FOXP1: variants seen among roughly 807,000 people sequenced by gnomAD.
The protein encoded by FOXP1 is forkhead box P1, also known as forkhead box protein P1.
In FOXP1, 15 loss-of-function variants were observed where a neutral mutation model predicts 98.2. The ratio of observed to expected loss-of-function variants is 0.15; its 90% CI spans 0.10 to 0.24. The LOEUF (loss-of-function observed/expected upper bound fraction) is 0.24, where lower values mean the gene tolerates loss of function less well. FOXP1 is among the 10% of genes least tolerant of loss of function. FOXP1 has a pLI of 1.00. For missense variants in FOXP1, 633 were observed against 848.5 expected (o/e 0.75, Z 3.15); for synonymous variants, 371 against 314.5 (o/e 1.18, Z -1.90).
Position 71,255,003 on chromosome 3 carries a change from G to A in FOXP1, c.-12+44817C>T, listed in dbSNP as rs115653730. Among the ~76,000 whole-genome samples the A allele has an allele frequency of 3.2e-3, 482 of 152,106 alleles. 5 individuals carry two copies. The highest frequency in any genetic ancestry group is 0.011 in the African/African-American group (476 of 41,478). On this transcript the variant is annotated intron_variant, in intron 5 of 20. Coordinates refer to ENST00000649528, the MANE Select transcript of FOXP1 (RefSeq NM_001349338.3). ...AACCACCTCACAGCAATAACCAATG[G>A]GCCCACTTAACGCCAAGCAGTGAGT...
In FOXP1 at chr3:70,955,821, C is replaced by T. The variant is rs1413119128; in HGVS notation, c.*3426G>A. ...ATGTATCAAAAAACAGATTAACACA[C>T]ACGCACGCGCGCACACACACACACA... On this transcript the variant is annotated 3_prime_UTR_variant, in exon 21 of 21. Coordinates refer to ENST00000649528, the MANE Select transcript of FOXP1 (RefSeq NM_001349338.3). 4.4e-6 allele frequency: 1 copy of T among 224,784 alleles called. No individual in the cohort carries two copies. Among genetic ancestry groups the T allele is most frequent in the East Asian group, 6.2e-5 (1 of 16,202 alleles). 13.9% of individuals were successfully genotyped at this position (224,784 alleles called of 1,614,324 possible).
At chr3:71,431,983 C>T (rs1389850138) in intron 3 of FOXP1, among the ~76,000 whole-genome samples, 1 of 152,184 alleles carries the variant, frequency 6.6e-6, no homozygotes, top group East Asian at 1.9e-4. Flanking sequence ...GCATCTGAAC[C>T]ATCAGAGAAG....
At chr3:71,442,896 T>C (rs116146154) in intron 3 of FOXP1, among the ~76,000 whole-genome samples, 1 of 149,686 alleles carries the variant, frequency 6.7e-6, no homozygotes, top group Non-Finnish European at 1.5e-5. Flanking sequence ...ATTTTTTTTT[T>C]ATTTTTTTGA....
chr3:71,035,009 C>T (rs1414626773), intron 11 of FOXP1, among the ~76,000 whole-genome samples: 1 of 152,162 alleles, frequency 6.6e-6, no homozygotes, highest in Non-Finnish European at 1.5e-5. Flanking sequence ...CCTGTTCTTT[C>T]CAAGTGTCAA....
chr3:71,544,000 CATGT>C (rs1182177384), intron 2 of FOXP1, among the ~76,000 whole-genome samples: 4 of 79,714 alleles, frequency 5.0e-5, no homozygotes, highest in Admixed American at 2.5e-4. Flanking sequence ...CATATACACA[CATGT>C]ATGTGTGTAT....
chr3:71,573,981 AG>A (rs1304469764), intron 2 of FOXP1: 1 of 152,228 alleles, frequency 6.6e-6, no homozygotes, highest in Non-Finnish European at 1.5e-5. Flanking sequence ...TACCAGTGAC[AG>A]TGGTAACTAT....
chr3:71,396,931 T>TAC (rs1318932568), intron 3 of FOXP1, among the ~76,000 whole-genome samples: 1 of 93,854 alleles, frequency 1.1e-5, no homozygotes, highest in African/African-American at 4.7e-5. Flanking sequence ...TATATATATA[T>TAC]ATACACATAT....
intron 6 of FOXP1, among the ~76,000 whole-genome samples, chr3:71,197,019 C>G (rs1196471688): frequency 1.3e-5 from 2 of 152,168 alleles, no homozygotes; most frequent in Non-Finnish European, 2.9e-5. Context: ...AGCTAACAGT[C>G]TAATCATTCC....
At chr3:71,328,925 C>T (rs1053231094) in intron 4 of FOXP1, among the ~76,000 whole-genome samples, 2 of 137,970 alleles carry the variant, frequency 1.4e-5, no homozygotes, top group South Asian at 2.4e-4. Flanking sequence ...GAGCCGAGAT[C>T]GTGCCATTGC....
chr3:71,151,170 G>C (rs2060554030), intron 6 of FOXP1, among the ~76,000 whole-genome samples: 1 of 152,128 alleles, frequency 6.6e-6, no homozygotes. Context: ...TGTGAAATGG[G>C]AATACTGCTA....
chr3:71,402,970 T>A (rs1376069548), intron 3 of FOXP1, among the ~76,000 whole-genome samples: 2 of 152,184 alleles, frequency 1.3e-5, no homozygotes, highest in Non-Finnish European at 2.9e-5. Context: ...CTGAAGATGG[T>A]TTGAAAAATC....
chr3:71,063,479 G>A (rs2051832526), intron 7 of FOXP1, among the ~76,000 whole-genome samples: 1 of 152,152 alleles, frequency 6.6e-6, no homozygotes, highest in African/African-American at 2.4e-5. Context: ...ACCTCTGATT[G>A]CATCTATACA....
intron 4 of FOXP1, among the ~76,000 whole-genome samples, chr3:71,331,305 G>C (rs1163098481): frequency 6.6e-6 from 1 of 152,164 alleles, no homozygotes. Flanking sequence ...ATTTCTCCCT[G>C]GGCCTTAGCT....
At chr3:71,271,008 A>G (rs1416091271) in intron 5 of FOXP1, among the ~76,000 whole-genome samples, 3 of 152,240 alleles carry the variant, frequency 2.0e-5, no homozygotes, top group Non-Finnish European at 4.4e-5. Context: ...AGGTGGGCAG[A>G]TCACCTCAGG....
intron 5 of FOXP1, chr3:71,289,569 C>CA (rs1417625755): frequency 6.6e-6 from 1 of 152,112 alleles, no homozygotes; most frequent in African/African-American, 2.4e-5. Context: ...TTCACAATCT[C>CA]AGAGTTTTCA....
intron 7 of FOXP1, among the ~76,000 whole-genome samples, chr3:71,061,641 C>G (rs530541222): frequency 1.3e-5 from 2 of 152,188 alleles, no homozygotes; most frequent in African/African-American, 4.8e-5. Context: ...TTACTCTAAC[C>G]TTCTCGATCA....
In FOXP1 at chr3:71,223,688, C is replaced by T. The variant is rs571403530; in HGVS notation, c.-11-25296G>A. ...CCGGCCTGGTGACAGAGCGAGACTA[C>T]GTCTCAAAAAAAAAAAAAAAAAAAG... On this transcript the variant is annotated intron_variant, in intron 5 of 20. Transcript: ENST00000649528. 1.9e-4 allele frequency among the ~76,000 whole-genome samples: 25 copies of T among 131,984 alleles called. 1 individual carries two copies. In the South Asian group the frequency reaches 5.4e-3, roughly 29 times the overall value. The allele number at this position is 131,984 out of a possible 152,430, so 86.6% of individuals were successfully genotyped here.
chr3:71,501,775 A>G (rs149966022), intron 2 of FOXP1, among the ~76,000 whole-genome samples: 1 of 152,266 alleles, frequency 6.6e-6, no homozygotes, highest in Non-Finnish European at 1.5e-5. Flanking sequence ...AGTGCACACA[A>G]TCCACCTTCA....
intron 2 of FOXP1, among the ~76,000 whole-genome samples, chr3:71,545,994 G>A (rs966831166): frequency 2.2e-4 from 34 of 152,114 alleles, no homozygotes; most frequent in African/African-American, 7.7e-4. Context: ...CAGTATTTTC[G>A]AGTTAACCTT....
Sources: allele counts gnomAD v4.1 joint callset (sites outside exome capture counted in the v4.1 genomes callset), GRCh38; gene constraint gnomAD v4.1.1; transcripts MANE v1.5; gene names NCBI Gene and HGNC (gene_info 2026-07-23, HGNC 2026-07-21).